Variants in VAV3 observed in about 807,000 individuals in gnomAD.
VAV3 encodes the protein guanine nucleotide exchange factor VAV3.
A neutral mutation model predicts 131.2 loss-of-function variants in VAV3; 94 were observed. That is an observed-to-expected ratio of 0.72 (90% CI 0.61 to 0.85). The LOEUF (loss-of-function observed/expected upper bound fraction) is 0.85, where lower values mean the gene tolerates loss of function less well. Ranked by LOEUF, VAV3 falls within the 40% of genes least tolerant of loss-of-function variation. VAV3 has a pLI of 0.00. For missense variants in VAV3, 939 were observed against 1,002.7 expected (o/e 0.94, Z 0.86); for synonymous variants, 349 against 342.0 (o/e 1.02, Z -0.22).
chr1:107,712,937 A>G lies in VAV3; in HGVS notation c.1503-7876T>C, dbSNP rs145098992. On this transcript the variant is annotated intron_variant, in intron 15 of 26. Transcript: ENST00000370056. ...TTTTCTACAGAAATAGGTGGAAAGC[A>G]AGAGGAAGAATTTCGGGACAGAGGA... is the stretch of plus-strand genomic sequence containing the variant. 9.8e-5 allele frequency among the ~76,000 whole-genome samples: 15 copies of G among 152,350 alleles called. No homozygotes were observed. In the East Asian group the frequency reaches 2.9e-3, roughly 29 times the overall value.
At chr1:107,712,680 A>C (rs1390384508) in intron 15 of VAV3, among the ~76,000 whole-genome samples, 1 of 152,262 alleles carries the variant, frequency 6.6e-6, no homozygotes, top group Non-Finnish European at 1.5e-5. Context: ...TCATTTAAAA[A>C]AAACTTATTA....
intron 2 of VAV3, among the ~76,000 whole-genome samples, chr1:107,864,388 G>A (rs565217362): frequency 1.3e-5 from 2 of 152,318 alleles, no homozygotes; most frequent in Non-Finnish European, 2.9e-5. Context: ...TTGGGAGGCT[G>A]AGGTGGGTGG....
intron 4 of VAV3, 55 bp downstream of exon 4, chr1:107,777,176 A>T (rs1387908921): frequency 6.7e-7 from 1 of 1,498,740 alleles, no homozygotes; most frequent in Non-Finnish European, 9.3e-7. Flanking sequence ...GTTAAAACCC[A>T]CAATGGACAC....
At chr1:107,702,898 T>C (rs146879569) in intron 17 of VAV3, among the ~76,000 whole-genome samples, 1 of 152,208 alleles carries the variant, frequency 6.6e-6, no homozygotes, top group Non-Finnish European at 1.5e-5. Context: ...ATTATCTCAC[T>C]GTATCCTCAT....
rs578231371 is a variant in VAV3, at chr1:107,738,873, C to G, written c.1502+10095G>C. Among the ~76,000 whole-genome samples the G allele has an allele frequency of 2.6e-5, 4 of 152,274 alleles. No individual in the cohort carries two copies. The South Asian group carries it at 8.3e-4, about 32-fold the overall frequency. ...ACAATCTTACTCTTTGAGCAAATCT[C>G]TACACTACTCAGACAAGCCGGAGAC... On this transcript the variant is annotated intron_variant, in intron 15 of 26. Transcript: ENST00000370056.
chr1:107,702,906 CAT>C (rs1288643007), intron 17 of VAV3, among the ~76,000 whole-genome samples: 1 of 152,052 alleles, frequency 6.6e-6, no homozygotes, highest in Non-Finnish European at 1.5e-5. Flanking sequence ...ACTGTATCCT[CAT>C]AATAATCGTC....
At chr1:107,636,728 A>G (rs1164326711) in intron 20 of VAV3, among the ~76,000 whole-genome samples, 1 of 152,218 alleles carries the variant, frequency 6.6e-6, no homozygotes, top group East Asian at 1.9e-4. Context: ...ACACCATCAT[A>G]AAATTGAAAA....
At chr1:107,645,578 T>C (rs765773261) in intron 19 of VAV3, among the ~76,000 whole-genome samples, 9 of 152,054 alleles carry the variant, frequency 5.9e-5, no homozygotes, top group Non-Finnish European at 8.8e-5. Context: ...TTTCCACTTA[T>C]GAAAAAGGCA....
At chr1:107,944,383 T>C (rs1230202405) in intron 1 of VAV3, among the ~76,000 whole-genome samples, 1 of 152,250 alleles carries the variant, frequency 6.6e-6, no homozygotes, top group African/African-American at 2.4e-5. Flanking sequence ...AAGTTACATA[T>C]ACATACCCAG....
At chr1:107,913,266 C>T (rs908110766) in intron 1 of VAV3, among the ~76,000 whole-genome samples, 10 of 152,066 alleles carry the variant, frequency 6.6e-5, no homozygotes, top group Non-Finnish European at 1.2e-4. Flanking sequence ...CTAATGTTTG[C>T]CAGAGAAATG....
At chr1:107,881,836 T>C (rs890465280) in intron 1 of VAV3, among the ~76,000 whole-genome samples, 1 of 152,180 alleles carries the variant, frequency 6.6e-6, no homozygotes, top group Admixed American at 6.5e-5. Context: ...TGCAGCCTCC[T>C]GTTACCACTT....
At chr1:107,777,818 C>A (rs1483008636) in intron 3 of VAV3, 1 of 153,274 alleles carries the variant, frequency 6.5e-6, no homozygotes, top group Admixed American at 6.5e-5. Flanking sequence ...CGGTCATTGA[C>A]CCTGACATTT....
Position 107,964,904 on chromosome 1 carries a change from G to T in VAV3, c.-35C>A. ...CTCCGGGACGCGGCTGGGCCGGGGC[G>T]GGCGGCAAGGATGCGGCCGCCGCCG... On this transcript the variant is annotated 5_prime_UTR_variant, in exon 1 of 27. Coordinates refer to ENST00000370056, the MANE Select transcript of VAV3 (RefSeq NM_006113.5). The T allele has an allele frequency of 7.6e-7, 1 of 1,318,796 alleles. No individual in the cohort carries two copies. The highest frequency in any genetic ancestry group is 9.7e-7 in the Non-Finnish European group (1 of 1,025,690). 81.7% of individuals were successfully genotyped at this position (1,318,796 alleles called of 1,614,324 possible).
At chr1:107,707,673 GA>G (rs1660537154) in intron 15 of VAV3, among the ~76,000 whole-genome samples, 1 of 152,142 alleles carries the variant, frequency 6.6e-6, no homozygotes, top group African/African-American at 2.4e-5. Flanking sequence ...TGTAATTATT[GA>G]AGTGTAAGAG....
At chr1:107,645,276 G>A (rs1570674764) in intron 19 of VAV3, among the ~76,000 whole-genome samples, 1 of 150,908 alleles carries the variant, frequency 6.6e-6, no homozygotes, top group South Asian at 2.1e-4. Context: ...CAACTCATAT[G>A]GTTTTTTGTG....
intron 5 of VAV3, among the ~76,000 whole-genome samples, chr1:107,771,289 G>T (rs1665029583): frequency 7.0e-6 from 1 of 141,870 alleles, no homozygotes; most frequent in South Asian, 2.2e-4. Context: ...GTCTCGCTCT[G>T]TCGCCCAGGC....
chr1:107,707,837 G>A (rs987721089), intron 15 of VAV3, among the ~76,000 whole-genome samples: 1 of 152,186 alleles, frequency 6.6e-6, no homozygotes, highest in African/African-American at 2.4e-5. Context: ...GATGAGAAGG[G>A]TTGGGAAAGT....
intron 17 of VAV3, among the ~76,000 whole-genome samples, chr1:107,691,175 T>C (rs1659400267): frequency 6.6e-6 from 1 of 152,296 alleles, no homozygotes; most frequent in Non-Finnish European, 1.5e-5. Flanking sequence ...CAATAGCCTG[T>C]TCACTGACAC....
chr1:107,701,196 G>A (rs573229950), intron 17 of VAV3, among the ~76,000 whole-genome samples: 1 of 152,120 alleles, frequency 6.6e-6, no homozygotes, highest in Non-Finnish European at 1.5e-5. Flanking sequence ...GTAGACTCTG[G>A]TTATTAGATC....
Sources: allele counts gnomAD v4.1 joint callset (sites outside exome capture counted in the v4.1 genomes callset), GRCh38; gene constraint gnomAD v4.1.1; transcripts MANE v1.5; gene names NCBI Gene and HGNC (gene_info 2026-07-23, HGNC 2026-07-21).